Variants in GEMIN5 observed in about 807,000 individuals in gnomAD.
The protein encoded by GEMIN5 is gem nuclear organelle associated protein 5.
In GEMIN5, 124 loss-of-function variants were observed where a neutral mutation model predicts 176.9. The ratio of observed to expected loss-of-function variants is 0.70; its 90% CI spans 0.61 to 0.81. GEMIN5 has a LOEUF of 0.81. Among genes scored for constraint, GEMIN5 ranks in the 40% least tolerant of loss-of-function variants. The probability of loss-of-function intolerance (pLI) is 0.00; values close to 1 mark genes in which losing one functional copy is unlikely to be tolerated. For missense variants in GEMIN5, 1,843 were observed against 1,814.6 expected, an observed-to-expected ratio of 1.02 and a Z score of -0.28; for synonymous variants, 673 against 665.2, an observed-to-expected ratio of 1.01 and a Z score of -0.18.
intron 21 of GEMIN5, among the ~76,000 whole-genome samples, chr5:154,901,086 G>T (rs1274216775): frequency 6.6e-6 from 1 of 152,166 alleles, no homozygotes; most frequent in Non-Finnish European, 1.5e-5. Context: ...AGCACTTTGG[G>T]AGGCTGAGGC....
chr5:154,919,629 G>C (rs1375257376), intron 11 of GEMIN5, among the ~76,000 whole-genome samples: 2 of 152,196 alleles, frequency 1.3e-5, no homozygotes, highest in Non-Finnish European at 2.9e-5. Context: ...GGTGAAAGTG[G>C]TTGGCCTGAA....
intron 15 of GEMIN5, among the ~76,000 whole-genome samples, chr5:154,908,171 CCTTTTTTTTTTTTTTTT>C (rs1763612566): frequency 2.3e-5 from 2 of 88,708 alleles, no homozygotes; most frequent in Non-Finnish European, 4.3e-5. Flanking sequence ...ACCCAGATGT[CCTTTTTTTTTTTTTTTT>C]TTTTTTTTTT....
At position 154,937,150 on chromosome 5, in the gene GEMIN5, A is replaced by T. The variant is rs1336687206; in HGVS notation, c.202T>A (p.Ser68Thr). The change falls in exon 2 of 28, where the codon TCT (serine) becomes ACT (threonine). Residue 68 changes from serine to threonine, a missense_variant. Transcript: ENST00000285873. ...GGGTGATGAGAAAATGTGAAGCCAG[A>T]GACCCTTTCGGTGTGTCCCACCAAC... The part of the protein sequence containing the change: ...GELVGHTERV[S>T]GFTFSHHPGQ... 2 of 1,613,586 alleles carry T rather than the reference A, an allele frequency of 1.2e-6. No individual in the cohort carries two copies. The highest frequency in any genetic ancestry group is 2.2e-5 in the East Asian group (1 of 44,888).
intron 20 of GEMIN5, among the ~76,000 whole-genome samples, chr5:154,901,895 G>A (rs749534786): frequency 1.3e-5 from 2 of 151,896 alleles, no homozygotes; most frequent in African/African-American, 4.8e-5. Flanking sequence ...AACCTCCCCG[G>A]GCTCAGGTGA....
chr5:154,904,472 G>T, intron 18 of GEMIN5, 35 bp downstream of exon 18: 1 of 1,594,790 alleles, frequency 6.3e-7, no homozygotes, highest in Non-Finnish European at 8.6e-7. Context: ...AGTCCCGGAA[G>T]ACTATGGATG....
chr5:154,909,923 G>A (rs1763660562), intron 15 of GEMIN5, among the ~76,000 whole-genome samples: 2 of 151,768 alleles, frequency 1.3e-5, no homozygotes, highest in South Asian at 4.2e-4. Flanking sequence ...AGGTTGTAGT[G>A]AGCCGAGAGT....
intron 3 of GEMIN5, among the ~76,000 whole-genome samples, chr5:154,934,679 T>A (rs1030062765): frequency 6.6e-6 from 1 of 152,134 alleles, no homozygotes; most frequent in Non-Finnish European, 1.5e-5. Flanking sequence ...GAGTACTTAC[T>A]CCACAAAGCC....
At position 154,937,995 on chromosome 5, in the gene GEMIN5, C is replaced by A; in HGVS notation, c.139G>T (p.Glu47Ter). ...CGAAACGGGGGTGTCCCTGGACTCT[C>A]GCCTGCGCCCGGGCCCACGCGGACA... is the stretch of plus-strand genomic sequence containing the variant. The part of the protein sequence containing the change: ...FLVRVGPGAG[E>*]SPGTPPFRVI... The change falls in exon 1 of 28, where the codon GAG (glutamate) becomes TAG (stop). Residue 47 changes from glutamate (E) to a stop codon, truncating the protein, a stop_gained. Coordinates refer to ENST00000285873, the MANE Select transcript of GEMIN5 (RefSeq NM_015465.5). LOFTEE classifies it high-confidence loss of function. 1 of 1,572,224 alleles carries A rather than the reference C, an allele frequency of 6.4e-7. No homozygotes were observed. The highest frequency in any genetic ancestry group is 8.6e-7 in the Non-Finnish European group (1 of 1,161,734).
intron 24 of GEMIN5, among the ~76,000 whole-genome samples, chr5:154,894,170 C>A (rs528086336): frequency 1.5e-3 from 233 of 152,226 alleles, no homozygotes; most frequent in Non-Finnish European, 3.1e-3. Flanking sequence ...GTCTCAAACT[C>A]CTGAGCTCAA....
At chr5:154,891,054 G>GA (rs1763213453) in intron 26 of GEMIN5, among the ~76,000 whole-genome samples, 187 bp downstream of exon 26, 1 of 74,276 alleles carries the variant, frequency 1.3e-5, no homozygotes, top group African/African-American at 5.3e-5. Context: ...CTGTGCCCGG[G>GA]CTTTTTTTTT....
At chr5:154,919,222 T>A (rs989530480) in intron 11 of GEMIN5, among the ~76,000 whole-genome samples, 1 of 151,842 alleles carries the variant, frequency 6.6e-6, no homozygotes, top group Non-Finnish European at 1.5e-5. Context: ...TCCCAGATAC[T>A]TGGGAGGCTG....
At chr5:154,912,440 C>T (rs1174963995) in intron 14 of GEMIN5, among the ~76,000 whole-genome samples, 1 of 152,226 alleles carries the variant, frequency 6.6e-6, no homozygotes, top group African/African-American at 2.4e-5. Context: ...AAGTCCCCAG[C>T]TCTAGTTCTG....
intron 13 of GEMIN5, 60 bp downstream of exon 13, chr5:154,916,938 T>A (rs1276844858): frequency 2.3e-6 from 2 of 859,050 alleles, no homozygotes. Flanking sequence ...TAACAAAGAT[T>A]AGAATGGAAA....
chr5:154,903,218 A>T (rs781692766), intron 18 of GEMIN5, 43 bp from the exon 19 acceptor site: 2 of 1,250,986 alleles, frequency 1.6e-6, no homozygotes, highest in South Asian at 2.4e-5. Context: ...AAGTCATTAC[A>T]TTGATTACAG....
chr5:154,896,687 C>A (rs1763358937), intron 23 of GEMIN5, among the ~76,000 whole-genome samples: 1 of 152,222 alleles, frequency 6.6e-6, no homozygotes, highest in South Asian at 2.1e-4. Context: ...GGGCTGGGCT[C>A]ATCAGGTTCT....
At chr5:154,898,388 G>A in intron 23 of GEMIN5, 52 bp downstream of exon 23, 1 of 1,484,488 alleles carries the variant, frequency 6.7e-7, no homozygotes, top group Non-Finnish European at 9.4e-7. Context: ...GACTAGAAAA[G>A]GATTTGGGAC....
rs1310344377 is a variant in GEMIN5 at position 154,887,568 on chromosome 5, A to T, written c.*642T>A. On this transcript the variant is annotated 3_prime_UTR_variant, in exon 28 of 28. Transcript: ENST00000285873. ...AACTGAAGGGAAAACACACATTTGA[A>T]TCACTTCTTCTAAAGCTTTAGTAAG... 4 of 152,212 alleles carry T rather than the reference A, an allele frequency of 2.6e-5. No individual in the cohort carries two copies. Among genetic ancestry groups the T allele is most frequent in the Admixed American group, 2.6e-4 (4 of 15,274 alleles). 9.4% of individuals were successfully genotyped at this position (152,212 alleles called of 1,614,324 possible). A position where few individuals can be genotyped will look rare whatever the true frequency, so the allele number is the denominator to read the frequency against.
At chr5:154,907,286 G>A (rs565811337) in intron 16 of GEMIN5, among the ~76,000 whole-genome samples, 3 of 152,134 alleles carry the variant, frequency 2.0e-5, no homozygotes, top group East Asian at 1.9e-4. Context: ...CTTTTCCCAT[G>A]TAAGTTCCTA....
chr5:154,938,039 G>C lies in GEMIN5; in HGVS notation c.95C>G (p.Ala32Gly). The change falls in exon 1 of 28, where the codon GCG becomes GGG. Residue 32 changes from alanine to glycine, a missense_variant. By Grantham distance (60) the Ala-to-Gly change is moderately conservative. Coordinates refer to ENST00000285873, the MANE Select transcript of GEMIN5 (RefSeq NM_015465.5). ...GCGGACAAGGAAGACGGAGGTCCGC[G>C]CGGCGAAGCCAAAGAGGCCCCCGGG... Reference protein sequence around the residue: ...AVPGGLFGFAARTSVFLVRVG... With the variant: ...AVPGGLFGFAGRTSVFLVRVG... 1 of 1,550,656 alleles carries C rather than the reference G, an allele frequency of 6.4e-7. No individual in the cohort carries two copies. The highest frequency in any genetic ancestry group is 8.7e-7 in the Non-Finnish European group (1 of 1,152,190).
Sources: gnomAD v4.1 joint callset for allele counts (sites outside exome capture counted in the v4.1 genomes callset) on GRCh38, gnomAD v4.1.1 for gene constraint, MANE v1.5 for transcripts, NCBI Gene and HGNC (gene_info 2026-07-23, HGNC 2026-07-21) for gene names.